NPC1: variants seen among roughly 807,000 people sequenced by gnomAD.
NPC1 encodes NPC intracellular cholesterol transporter 1.
Under a neutral mutation model 140.4 loss-of-function variants are expected in NPC1, and 85 were observed. The observed-to-expected ratio is 0.61, with a 90% confidence interval of 0.51 to 0.72. NPC1 has a LOEUF of 0.72. Among genes scored for constraint, NPC1 ranks in the 30% least tolerant of loss-of-function variants. The pLI is 0.00. For synonymous variants in NPC1, 656 were observed against 624.8 expected (o/e 1.05, Z -0.74); for missense variants, 1,504 against 1,623.8 (o/e 0.93, Z 1.27).
At chr18:23,583,357 G>A (rs1483251113) in intron 1 of NPC1, among the ~76,000 whole-genome samples, 1 of 152,088 alleles carries the variant, frequency 6.6e-6, no homozygotes, top group Non-Finnish European at 1.5e-5. Flanking sequence ...CCCACACCAA[G>A]GTCTTTTAAT....
At chr18:23,538,337 C>T (rs867418801) in intron 20 of NPC1, among the ~76,000 whole-genome samples, 1 of 152,166 alleles carries the variant, frequency 6.6e-6, no homozygotes, top group African/African-American at 2.4e-5. Flanking sequence ...TGTGAATGCC[C>T]ACGCTAAGAC....
chr18:23,548,216 T>TTAC (rs940204050), intron 10 of NPC1, 108 bp from the exon 11 acceptor site: 1 of 748,122 alleles, frequency 1.3e-6, no homozygotes, highest in Non-Finnish European at 2.4e-6. Flanking sequence ...AGCTATGGAC[T>TTAC]GTATCTCTGG....
intron 1 of NPC1, chr18:23,523,988 G>A (rs569799356): frequency 2.1e-5 from 19 of 913,622 alleles, no homozygotes; most frequent in African/African-American, 8.1e-5. Flanking sequence ...TCAGTGAGAC[G>A]GAACAGTTCA....
downstream of NPC1, chr18:23,526,730 A>C: frequency 6.2e-7 from 1 of 1,614,174 alleles, no homozygotes; most frequent in Non-Finnish European, 8.5e-7. Flanking sequence ...CAGAGAAAGG[A>C]ATGCAAGATG....
chr18:23,569,129 C>T, intron 3 of NPC1, 131 bp from the exon 4 acceptor site: 2 of 690,580 alleles, frequency 2.9e-6, no homozygotes, highest in South Asian at 3.6e-5. Context: ...ATATTAAAAA[C>T]CAGCAATTCT....
intron 23 of NPC1, 184 bp from the exon 24 acceptor site, chr18:23,533,701 G>T: frequency 1.7e-6 from 1 of 605,156 alleles, no homozygotes; most frequent in South Asian, 1.9e-5. Context: ...TAGAGATGGG[G>T]TTTCACCATG....
At chr18:23,559,760 GC>G (rs1159955552) in intron 6 of NPC1, among the ~76,000 whole-genome samples, 1 of 152,090 alleles carries the variant, frequency 6.6e-6, no homozygotes, top group Non-Finnish European at 1.5e-5. Context: ...GATCAGCCTG[GC>G]CAACACGGTG....
At chr18:23,514,295 A>G (rs1012898026) in intron 3 of NPC1, among the ~76,000 whole-genome samples, 3 of 152,218 alleles carry the variant, frequency 2.0e-5, no homozygotes, top group Non-Finnish European at 2.9e-5. Flanking sequence ...GTGGGCGATC[A>G]TCTGAGGTCA....
chr18:23,567,741 G>A (rs563267985), intron 4 of NPC1, among the ~76,000 whole-genome samples: 10 of 152,248 alleles, frequency 6.6e-5, no homozygotes, highest in East Asian at 1.9e-4. Flanking sequence ...AACTTACTAC[G>A]TACTGCAAAG....
At chr18:23,558,022 A>G (rs936475623) in intron 6 of NPC1, among the ~76,000 whole-genome samples, 1 of 152,234 alleles carries the variant, frequency 6.6e-6, no homozygotes, top group Non-Finnish European at 1.5e-5. Context: ...AAAGTCCATG[A>G]TGTAAATAAC....
chr18:23,533,309 G>C (rs1357939709), intron 24 of NPC1, 46 bp downstream of exon 24: 1 of 1,551,228 alleles, frequency 6.4e-7, no homozygotes, highest in African/African-American at 1.4e-5. Flanking sequence ...TTCCCTTTCA[G>C]TAATGTCCTT....
At chr18:23,531,431 G>GTTAGA (rs2058501504), downstream of NPC1, 6 of 1,193,650 alleles carry the variant, frequency 5.0e-6, no homozygotes, top group Non-Finnish European at 5.6e-6. Context: ...ATAAGGACAG[G>GTTAGA]TTAGATAGAA....
intron 10 of NPC1, among the ~76,000 whole-genome samples, chr18:23,550,840 C>A (rs904993680): frequency 7.2e-5 from 11 of 152,116 alleles, no homozygotes; most frequent in Admixed American, 3.9e-4. Context: ...GTGAAATGAA[C>A]AAGTCAGAGA....
In NPC1 at chr18:23,566,985, G is replaced by A. The variant is rs1348380813; in HGVS notation, c.463+1838C>T. 2.6e-5 allele frequency among the ~76,000 whole-genome samples: 4 copies of A among 152,198 alleles called. No homozygotes were observed. In the South Asian group the frequency reaches 8.3e-4, roughly 32 times the overall value. The stretch of plus-strand genomic sequence containing the variant: ...GTAATAGGATTTAAGGTTCATCCAT[G>A]TACTTTCATGGCTTGATAGCACTGA... On this transcript the variant is annotated intron_variant, in intron 4 of 24. Coordinates refer to ENST00000269228, the MANE Select transcript of NPC1 (RefSeq NM_000271.5).
In NPC1 at chr18:23,547,614, C is replaced by T. The variant is rs186689936; in HGVS notation, c.1757+392G>A. ...AAAATTAGCTGGGTGTGATGGCATG[C>T]ACGTGTAGTCTCAGCTACTCAGGAG... On this transcript the variant is annotated intron_variant, in intron 11 of 24. Transcript: ENST00000269228. Among the ~76,000 whole-genome samples, 341 of 152,168 alleles carry T rather than the reference C, an allele frequency of 2.2e-3. 4 individuals carry two copies. In the South Asian group the frequency reaches 0.032, roughly 14 times the overall value.
At chr18:23,561,566 C>T in intron 4 of NPC1, 39 bp from the exon 5 acceptor site, 2 of 1,606,136 alleles carry the variant, frequency 1.2e-6, no homozygotes, top group African/African-American at 2.7e-5. Context: ...AGACAAGATG[C>T]TTGCTGTAAT....
rs1555634622 is a variant in NPC1, at chr18:23,544,943, A to ACCCCT, written c.1947+16_1947+17insAGGGG. On this transcript the variant is annotated intron_variant, in intron 12 of 24. Coordinates refer to ENST00000269228, the MANE Select transcript of NPC1 (RefSeq NM_000271.5). The stretch of plus-strand genomic sequence containing the variant: ...GCTGTTAACCTCTAGAACATACACC[A>ACCCCT]CCCCCCCCCGGCTTACCAGAAGCCT... 41 of 1,042,306 alleles carry ACCCCT rather than the reference A, an allele frequency of 3.9e-5. 3 individuals carry two copies. The highest frequency in any genetic ancestry group is 5.2e-5 in the Non-Finnish European group (37 of 717,082). The allele number at this position is 1,042,306 out of a possible 1,614,324, so 64.6% of individuals were successfully genotyped here.
chr18:23,531,429 AGGT>A, downstream of NPC1: 1 of 1,151,576 alleles, frequency 8.7e-7, no homozygotes, highest in Non-Finnish European at 1.2e-6. Context: ...CCATAAGGAC[AGGT>A]TAGATAGAAT....
chr18:23,549,613 T>C (rs2058838033), intron 10 of NPC1, among the ~76,000 whole-genome samples: 1 of 151,782 alleles, frequency 6.6e-6, no homozygotes, highest in Non-Finnish European at 1.5e-5. Flanking sequence ...CACTCCAGCC[T>C]GGACAACAGA....
Sources: gnomAD v4.1 joint callset for allele counts (sites outside exome capture counted in the v4.1 genomes callset) on GRCh38, gnomAD v4.1.1 for gene constraint, MANE v1.5 for transcripts, NCBI Gene and HGNC (gene_info 2026-07-23, HGNC 2026-07-21) for gene names.